Variants in PRDM16 observed in about 807,000 individuals in gnomAD.
The protein encoded by PRDM16 is histone-lysine N-methyltransferase PRDM16.
PRDM16 carries 23 observed loss-of-function variants against 110.6 expected under a neutral mutation model. The observed-to-expected ratio is 0.21, with a 90% CI of 0.15 to 0.29. The LOEUF (loss-of-function observed/expected upper bound fraction) is 0.29, where lower values mean the gene tolerates loss of function less well. PRDM16 is among the 10% of genes least tolerant of loss of function. The pLI, the probability that PRDM16 is intolerant of heterozygous loss-of-function variation, is 1.00. For missense variants in PRDM16, 1,615 were observed against 1,794.3 expected (o/e 0.90, Z 1.81); for synonymous variants, 799 against 781.8 (o/e 1.02, Z -0.37).
At chr1:3,180,176 TTG>T (rs1342816372) in intron 1 of PRDM16, among the ~76,000 whole-genome samples, 1 of 151,828 alleles carries the variant, frequency 6.6e-6, no homozygotes, top group Non-Finnish European at 1.5e-5. Flanking sequence ...TTTTTGTTTT[TTG>T]TTTTTGTTTG....
intron 1 of PRDM16, among the ~76,000 whole-genome samples, chr1:3,146,642 GGTGT>G (rs1156802424): frequency 7.0e-6 from 1 of 142,452 alleles, no homozygotes; most frequent in East Asian, 2.1e-4. Flanking sequence ...CTTGGTATGG[GGTGT>G]GTGTGTGCAC....
At position 3,114,504 on chromosome 1, in the gene PRDM16, ATG is replaced by A. The variant is rs1411515283; in HGVS notation, c.37+45209_37+45210del. 8.6e-5 allele frequency among the ~76,000 whole-genome samples: 13 copies of A among 150,620 alleles called. No homozygotes were observed. In the East Asian group the frequency reaches 1.8e-3, roughly 21 times the overall value. ...GACACGCACGCACGCACACACGCGC[ATG>A]CACACACACATGAACACACGCACAC... On this transcript the variant is annotated intron_variant, in intron 1 of 16. Transcript: ENST00000270722.
At chr1:3,134,495 C>G (rs1392024113) in intron 1 of PRDM16, among the ~76,000 whole-genome samples, 1 of 152,252 alleles carries the variant, frequency 6.6e-6, no homozygotes, top group African/African-American at 2.4e-5. Context: ...TCCCGCACAG[C>G]CTCTGGCATC....
At chr1:3,363,818 AAGG>A (rs1370656598) in intron 3 of PRDM16, among the ~76,000 whole-genome samples, 4 of 152,130 alleles carry the variant, frequency 2.6e-5, no homozygotes, top group Non-Finnish European at 5.9e-5. Flanking sequence ...AGGAGGAAGG[AAGG>A]AGGAGAAAGC....
At chr1:3,152,583 G>A (rs866239340) in intron 1 of PRDM16, among the ~76,000 whole-genome samples, 27 of 152,334 alleles carry the variant, frequency 1.8e-4, no homozygotes, top group Middle Eastern at 3.4e-3. Flanking sequence ...ACTGGTCTAC[G>A]GTGCTGCCTC....
chr1:3,405,402 C>T (rs879187684), intron 7 of PRDM16, 93 bp from the exon 8 acceptor site: 4 of 1,361,738 alleles, frequency 2.9e-6, no homozygotes, highest in South Asian at 1.5e-5. Context: ...ACAGGCAGGG[C>T]CCTGCCCCCC....
intron 2 of PRDM16, among the ~76,000 whole-genome samples, chr1:3,210,080 T>A (rs1192791642): frequency 1.3e-5 from 2 of 152,232 alleles, no homozygotes; most frequent in Non-Finnish European, 2.9e-5. Context: ...CAGGTATGGA[T>A]GTCTAGAACA....
intron 3 of PRDM16, among the ~76,000 whole-genome samples, chr1:3,377,504 C>G (rs1008497042): frequency 1.3e-5 from 2 of 152,210 alleles, no homozygotes; most frequent in African/African-American, 4.8e-5. Flanking sequence ...TTTTCCCCCA[C>G]TTCACTTGGT....
At chr1:3,291,254 C>T (rs1443673767) in intron 3 of PRDM16, among the ~76,000 whole-genome samples, 2 of 152,140 alleles carry the variant, frequency 1.3e-5, no homozygotes, top group African/African-American at 2.4e-5. Flanking sequence ...CCAGTCAGGG[C>T]GTTCCCAGGA....
At chr1:3,223,762 G>A (rs1020225681) in intron 2 of PRDM16, among the ~76,000 whole-genome samples, 10 of 152,068 alleles carry the variant, frequency 6.6e-5, no homozygotes, top group Admixed American at 4.6e-4. Context: ...ATCAGCCCCC[G>A]GAATGGAGGG....
At chr1:3,349,535 C>T (rs1045858388) in intron 3 of PRDM16, among the ~76,000 whole-genome samples, 1 of 152,238 alleles carries the variant, frequency 6.6e-6, no homozygotes, top group South Asian at 2.1e-4. Flanking sequence ...TCAGAGCTGT[C>T]ATCCTCAACC....
intron 2 of PRDM16, among the ~76,000 whole-genome samples, chr1:3,230,816 C>G (rs1639391247): frequency 6.6e-6 from 1 of 152,250 alleles, no homozygotes; most frequent in East Asian, 1.9e-4. Flanking sequence ...CAGCCTCGGG[C>G]ACCATGAGGC....
chr1:3,311,257 G>A (rs1641453432), intron 3 of PRDM16, among the ~76,000 whole-genome samples: 2 of 152,248 alleles, frequency 1.3e-5, no homozygotes, highest in African/African-American at 4.8e-5. Context: ...CCGGGTCTTT[G>A]TTGTTGTTCC....
Position 3,245,576 on chromosome 1 carries a change from T to C in PRDM16, c.438+1439T>C, listed in dbSNP as rs920821828. Among the ~76,000 whole-genome samples, 5 of 152,186 alleles carry C rather than the reference T, an allele frequency of 3.3e-5. No individual in the cohort carries two copies. Among genetic ancestry groups the C allele is most frequent in the Admixed American group, 6.5e-5 (1 of 15,284 alleles). ...CTGTGTCTGGCCTCCTGGGGTCCTTTTGTCCAAGGACAAGGTGTCGGCTCT... is the reference window on the plus strand; with the variant it reads ...CTGTGTCTGGCCTCCTGGGGTCCTTCTGTCCAAGGACAAGGTGTCGGCTCT... On this transcript the variant is annotated intron_variant, in intron 3 of 16. Coordinates refer to ENST00000270722, the MANE Select transcript of PRDM16 (RefSeq NM_022114.4). The surrounding 1 kb of genome is among the most constrained non-coding windows in gnomAD (Gnocchi z 4.7).
At chr1:3,365,344 G>A (rs1642790134) in intron 3 of PRDM16, among the ~76,000 whole-genome samples, 1 of 152,226 alleles carries the variant, frequency 6.6e-6, no homozygotes, top group African/African-American at 2.4e-5. Flanking sequence ...CTGGGCTGGG[G>A]GCTGTCCCTG....
chr1:3,271,905 C>T (rs1640464488), intron 3 of PRDM16, among the ~76,000 whole-genome samples: 2 of 152,326 alleles, frequency 1.3e-5, no homozygotes, highest in South Asian at 4.1e-4. Flanking sequence ...ACCACCCTCA[C>T]CGTCTGTCTT....
intron 3 of PRDM16, among the ~76,000 whole-genome samples, chr1:3,356,282 C>A (rs1642598577): frequency 6.6e-6 from 1 of 152,212 alleles, no homozygotes; most frequent in African/African-American, 2.4e-5. Context: ...CCCCCTGCGC[C>A]AAGCCACCAT....
At chr1:3,387,951 T>C (rs1315520646) in intron 4 of PRDM16, among the ~76,000 whole-genome samples, 2 of 152,272 alleles carry the variant, frequency 1.3e-5, no homozygotes, top group African/African-American at 4.8e-5. Context: ...TCTCGCGCGC[T>C]GTGACGGCTG....
At chr1:3,092,638 G>A (rs1642303844) in intron 1 of PRDM16, among the ~76,000 whole-genome samples, 1 of 152,240 alleles carries the variant, frequency 6.6e-6, no homozygotes, top group African/African-American at 2.4e-5. Context: ...TCAGGGCTCT[G>A]TGGAGGGGTC....
Sources: allele counts gnomAD v4.1 joint callset (sites outside exome capture counted in the v4.1 genomes callset), GRCh38; gene constraint gnomAD v4.1.1; non-coding constraint Gnocchi (gnomAD v3.1); transcripts MANE v1.5; gene names NCBI Gene and HGNC (gene_info 2026-07-23, HGNC 2026-07-21).